The following DLGAP2 variants were observed in gnomAD, a reference collection of about 807,000 sequenced individuals.
The protein encoded by DLGAP2 is DLG associated protein 2, also known as disks large-associated protein 2.
A neutral mutation model predicts 100.3 loss-of-function variants in DLGAP2; 26 were observed. That is an observed-to-expected ratio of 0.26 (90% confidence interval 0.19 to 0.36). The LOEUF is 0.36. Ranked by LOEUF, DLGAP2 falls within the 10% of genes least tolerant of loss-of-function variation. The probability of loss-of-function intolerance (pLI) is 1.00; values close to 1 mark genes in which losing one functional copy is unlikely to be tolerated. For missense variants in DLGAP2, 1,858 were observed against 1,453.2 expected, an observed-to-expected ratio of 1.28 and a Z score of -4.53; for synonymous variants, 886 against 630.1, an observed-to-expected ratio of 1.41 and a Z score of -6.08.
At chr8:1,383,709 G>T (rs1266741810) in intron 3 of DLGAP2, among the ~76,000 whole-genome samples, 1 of 152,200 alleles carries the variant, frequency 6.6e-6, no homozygotes, top group African/African-American at 2.4e-5. Flanking sequence ...TGTAAGGTCA[G>T]TGAAAACTTT....
At chr8:903,406 T>G (rs149055810) in intron 1 of DLGAP2, among the ~76,000 whole-genome samples, 23 of 152,152 alleles carry the variant, frequency 1.5e-4, no homozygotes, top group Admixed American at 3.3e-4. Flanking sequence ...TGATGTCAGC[T>G]CAATACATGT....
chr8:1,150,734 A>G (rs1220344927), intron 2 of DLGAP2, among the ~76,000 whole-genome samples: 1 of 152,230 alleles, frequency 6.6e-6, no homozygotes, highest in African/African-American at 2.4e-5. Flanking sequence ...GTAATAATGG[A>G]CATAGAAGTG....
chr8:1,082,103 C>T (rs1157796039), intron 2 of DLGAP2, among the ~76,000 whole-genome samples: 2 of 152,158 alleles, frequency 1.3e-5, no homozygotes, highest in Non-Finnish European at 2.9e-5. Context: ...CATGTAATAT[C>T]TTCCTCTGTT....
chr8:838,031 A>G (rs1796914144), intron 1 of DLGAP2, among the ~76,000 whole-genome samples: 1 of 151,836 alleles, frequency 6.6e-6, no homozygotes, highest in Non-Finnish European at 1.5e-5. Context: ...CCAGCCTGAA[A>G]TTTATATATA....
intron 3 of DLGAP2, among the ~76,000 whole-genome samples, chr8:1,355,978 G>T (rs1274266962): frequency 1.3e-5 from 2 of 152,200 alleles, no homozygotes; most frequent in East Asian, 3.9e-4. Flanking sequence ...CTCACCCAAG[G>T]CTCCGCATTT....
chr8:1,521,453 A>T (rs1800594501), intron 4 of DLGAP2, among the ~76,000 whole-genome samples: 2 of 70,446 alleles, frequency 2.8e-5, no homozygotes, highest in African/African-American at 4.8e-5. Flanking sequence ...GGCAGGTGAT[A>T]TGGGGCATCT....
At chr8:1,474,788 G>A (rs533367019) in intron 3 of DLGAP2, among the ~76,000 whole-genome samples, 10 of 152,324 alleles carry the variant, frequency 6.6e-5, no homozygotes, top group African/African-American at 9.6e-5. Context: ...CAGTGCGAGC[G>A]TACATTGGTT....
intron 3 of DLGAP2, among the ~76,000 whole-genome samples, chr8:1,340,909 AG>A (rs562345810): frequency 4.4e-4 from 67 of 152,274 alleles, no homozygotes; most frequent in Non-Finnish European, 8.4e-4. Flanking sequence ...GACATAAAAA[AG>A]AATGAAATCA....
intron 3 of DLGAP2, among the ~76,000 whole-genome samples, chr8:1,273,738 A>G (rs1799628737): frequency 6.6e-6 from 1 of 152,372 alleles, no homozygotes; most frequent in South Asian, 2.1e-4. Flanking sequence ...CTAATGAATC[A>G]GGATATCTGC....
intron 4 of DLGAP2, among the ~76,000 whole-genome samples, chr8:1,524,697 C>T (rs1056629629): frequency 6.6e-6 from 1 of 152,140 alleles, no homozygotes; most frequent in African/African-American, 2.4e-5. Flanking sequence ...TTCTCATTGC[C>T]TTTCCAAGGG....
rs1797513719 is a variant in DLGAP2 at position 1,626,763 on chromosome 8, G to A, written c.1466G>A (p.Ser489Asn). The A allele has an allele frequency of 8.7e-6, 14 of 1,604,058 alleles. No homozygotes were observed. The highest frequency in any genetic ancestry group is 1.2e-5 in the Non-Finnish European group (14 of 1,175,712). The change falls in exon 7 of 15, where the codon AGC (serine) becomes AAC (asparagine). Residue 489 changes from serine (S) to asparagine (N), a missense_variant. Physicochemically the swap from Ser to Asn is conservative, Grantham distance 46. Transcript: ENST00000637795. ...AGCCAGACCTACCTGCAAGCTGCAA[G>A]CGATGTGCCTGTGGGACACAGCCTG... Reference protein sequence around the residue: ...HQTQTYLQAASDVPVGHSLDP... With the variant: ...HQTQTYLQAANDVPVGHSLDP...
At chr8:1,542,571 C>A (rs1394869918) in intron 4 of DLGAP2, among the ~76,000 whole-genome samples, 1 of 152,194 alleles carries the variant, frequency 6.6e-6, no homozygotes, top group African/African-American at 2.4e-5. Context: ...CGTTTCTGGG[C>A]TTAATTGGTT....
chr8:1,169,050 AT>A (rs978591825), intron 2 of DLGAP2, among the ~76,000 whole-genome samples: 1 of 148,696 alleles, frequency 6.7e-6, no homozygotes, highest in African/African-American at 2.5e-5. Flanking sequence ...TCTTGAATTG[AT>A]TTTTGTATAA....
intron 12 of DLGAP2, among the ~76,000 whole-genome samples, chr8:1,683,374 G>A (rs1042755329): frequency 2.0e-5 from 3 of 151,424 alleles, no homozygotes; most frequent in Non-Finnish European, 4.4e-5. Flanking sequence ...TCCTTCCTCT[G>A]GAGGAAGATC....
chr8:1,129,135 G>A (rs377026723), intron 2 of DLGAP2, among the ~76,000 whole-genome samples: 5 of 152,194 alleles, frequency 3.3e-5, no homozygotes, highest in Non-Finnish European at 5.9e-5. Context: ...GCCAGGTGCC[G>A]TGGCTCACAC....
Position 921,759 on chromosome 8 carries a change from C to T in DLGAP2, c.73+13793C>T, listed in dbSNP as rs549912023. ...TCCCACTGCCAGTCCTGTCGGGCCG[C>T]CTCCCATTGAGCCACTGGCCACGTC... On this transcript the variant is annotated intron_variant, in intron 2 of 14. Transcript: ENST00000637795. Among the ~76,000 whole-genome samples the T allele has an allele frequency of 1.1e-3, 168 of 152,366 alleles. 1 individual carries two copies. Among genetic ancestry groups the T allele is most frequent in the Non-Finnish European group, 1.0e-3 (70 of 68,032 alleles).
At chr8:1,338,035 A>G (rs1289018226) in intron 3 of DLGAP2, among the ~76,000 whole-genome samples, 1 of 152,250 alleles carries the variant, frequency 6.6e-6, no homozygotes, top group Non-Finnish European at 1.5e-5. Context: ...ATGGACAATG[A>G]CAAGTATTGC....
chr8:1,447,034 G>A (rs1448791605), intron 3 of DLGAP2, among the ~76,000 whole-genome samples: 1 of 152,204 alleles, frequency 6.6e-6, no homozygotes, highest in Non-Finnish European at 1.5e-5. Context: ...GATGTCGTCT[G>A]CAAAGAGGGA....
chr8:1,480,948 A>G (rs965922033), intron 3 of DLGAP2, among the ~76,000 whole-genome samples: 8 of 152,068 alleles, frequency 5.3e-5, no homozygotes, highest in Non-Finnish European at 1.0e-4. Context: ...CGAGGCGGGC[A>G]GATCACGAGG....
Sources: allele counts gnomAD v4.1 joint callset (sites outside exome capture counted in the v4.1 genomes callset), GRCh38; gene constraint gnomAD v4.1.1; transcripts MANE v1.5; gene names NCBI Gene and HGNC (gene_info 2026-07-23, HGNC 2026-07-21).